Variants in KCNK3 observed in about 807,000 individuals in gnomAD.
KCNK3 encodes the protein potassium two pore domain channel subfamily K member 3, also known as potassium channel subfamily K member 3.
A neutral mutation model predicts 27.3 loss-of-function variants in KCNK3; 9 were observed. The ratio of observed to expected loss-of-function variants is 0.33; its 90% CI spans 0.20 to 0.57. The LOEUF is 0.57. KCNK3 is among the 20% of genes least tolerant of loss of function. KCNK3 has a pLI of 0.87. For synonymous variants in KCNK3, 278 were observed against 273.8 expected (o/e 1.02, Z -0.15); for missense variants, 391 against 577.7 (o/e 0.68, Z 3.31).
rs1185841087 is a variant in KCNK3, at chr2:26,693,088, G to T, written c.213G>T (p.Pro71=). ...ELERVVLRLK[P]HKAGVQWRFA... ...AGCGCGTCGTGCTGCGCCTCAAGCC[G>T]CACAAGGCCGGCGTGCAGTGGCGCT... The change falls in exon 1 of 2, where the codon CCG becomes CCT. Residue 71 remains proline, a synonymous_variant. Transcript: ENST00000302909. The surrounding 1 kb of genome is among the most constrained non-coding windows in gnomAD (Gnocchi z 5.5). The T allele has an allele frequency of 6.2e-7, 1 of 1,602,334 alleles. No homozygotes were observed.
intron 1 of KCNK3, among the ~76,000 whole-genome samples, chr2:26,713,787 A>G (rs1219983307): frequency 3.3e-5 from 5 of 150,900 alleles, no homozygotes; most frequent in Admixed American, 6.6e-5. Context: ...CAAAAAAAAA[A>G]AAAAAGGGCT....
At chr2:26,700,460 G>A (rs1670293048) in intron 1 of KCNK3, among the ~76,000 whole-genome samples, 1 of 152,222 alleles carries the variant, frequency 6.6e-6, no homozygotes. Flanking sequence ...ATTTGCTAGA[G>A]CCAGCCTCAA....
At chr2:26,712,122 G>T (rs1247797964) in intron 1 of KCNK3, among the ~76,000 whole-genome samples, 2 of 152,202 alleles carry the variant, frequency 1.3e-5, no homozygotes, top group Non-Finnish European at 2.9e-5. Flanking sequence ...AAGCTGGAGG[G>T]CTTCAGGATG....
In KCNK3 at chr2:26,730,665, G is replaced by A. The variant is rs934776346; in HGVS notation, c.*2097G>A. Reference sequence around the variant, plus strand: ...TCCTCTAGTCTCTGGGGACCCCTGGGGGGAAGAAGTCTACCCTGCTTGTGA... The same window carrying A: ...TCCTCTAGTCTCTGGGGACCCCTGGAGGGAAGAAGTCTACCCTGCTTGTGA... On this transcript the variant is annotated 3_prime_UTR_variant, in exon 2 of 2. Transcript: ENST00000302909. 1 of 152,318 alleles carries A rather than the reference G, an allele frequency of 6.6e-6. No individual in the cohort carries two copies. Among genetic ancestry groups the A allele is most frequent in the Non-Finnish European group, 1.5e-5 (1 of 68,136 alleles). 9.4% of individuals were successfully genotyped at this position (152,318 alleles called of 1,614,324 possible).
chr2:26,700,041 G>C (rs890138643), intron 1 of KCNK3, among the ~76,000 whole-genome samples: 2 of 152,146 alleles, frequency 1.3e-5, no homozygotes, highest in African/African-American at 4.8e-5. Flanking sequence ...GCTCAGTTGT[G>C]GGCTCAGCTT....
At chr2:26,706,451 A>G (rs1203049279) in intron 1 of KCNK3, among the ~76,000 whole-genome samples, 2 of 151,954 alleles carry the variant, frequency 1.3e-5, no homozygotes, top group African/African-American at 4.8e-5. Flanking sequence ...CTGGGAACAA[A>G]TCTGGGGTTG....
intron 1 of KCNK3, among the ~76,000 whole-genome samples, chr2:26,705,537 T>C (rs1670361746): frequency 6.6e-6 from 1 of 152,070 alleles, no homozygotes. Flanking sequence ...TTCCCAACCT[T>C]AACACCTAGC....
Position 26,733,291 on chromosome 2 carries a change from A to T in KCNK3, c.*4723A>T, listed in dbSNP as rs908760698. 1 of 152,370 alleles carries T rather than the reference A, an allele frequency of 6.6e-6. No homozygotes were observed. Among genetic ancestry groups the T allele is most frequent in the African/African-American group, 2.4e-5 (1 of 41,588 alleles). 9.4% of individuals were successfully genotyped at this position (152,370 alleles called of 1,614,324 possible). A position where few individuals can be genotyped will look rare whatever the true frequency, so the allele number is the denominator to read the frequency against. ...GACAATTCTTTTCAAAACGTGTCCCATGGTATGCCTCGTGGAAAAAATGGT... is the reference window on the plus strand; with the variant it reads ...GACAATTCTTTTCAAAACGTGTCCCTTGGTATGCCTCGTGGAAAAAATGGT... On this transcript the variant is annotated 3_prime_UTR_variant, in exon 2 of 2. Coordinates refer to ENST00000302909, the MANE Select transcript of KCNK3 (RefSeq NM_002246.3).
chr2:26,726,104 C>CAGAGAGAGAGAG (rs1196440174), intron 1 of KCNK3, among the ~76,000 whole-genome samples: 3 of 80,480 alleles, frequency 3.7e-5, no homozygotes, highest in African/African-American at 2.7e-4. Context: ...CACACACACA[C>CAGAGAGAGAGAG]ACAGAGAGAG....
At chr2:26,698,042 G>A (rs908933789) in intron 1 of KCNK3, among the ~76,000 whole-genome samples, 1 of 152,242 alleles carries the variant, frequency 6.6e-6, no homozygotes, top group African/African-American at 2.4e-5. Flanking sequence ...GGAGTTGAGA[G>A]TATGACCCTG....
At chr2:26,699,122 G>A (rs1050084382) in intron 1 of KCNK3, among the ~76,000 whole-genome samples, 1 of 150,280 alleles carries the variant, frequency 6.7e-6, no homozygotes, top group African/African-American at 2.5e-5. Context: ...AGGTTGCAGT[G>A]AGCCAAGATC....
chr2:26,726,939 G>A (rs1193683801), intron 1 of KCNK3, among the ~76,000 whole-genome samples: 1 of 152,228 alleles, frequency 6.6e-6, no homozygotes, highest in Non-Finnish European at 1.5e-5. Context: ...AAGGCCTCCA[G>A]TTGGAGGCTG....
chr2:26,727,612 T>C (rs1157157984), intron 1 of KCNK3, 55 bp from the exon 2 acceptor site: 3 of 1,511,666 alleles, frequency 2.0e-6, no homozygotes, highest in Admixed American at 2.3e-5. Flanking sequence ...AGAAGGTTTC[T>C]GGAAGGGCAG....
At chr2:26,701,932 C>T (rs560581180) in intron 1 of KCNK3, among the ~76,000 whole-genome samples, 6 of 152,082 alleles carry the variant, frequency 3.9e-5, no homozygotes, top group Non-Finnish European at 7.4e-5. Flanking sequence ...AGAGACAGAC[C>T]CTGTCTCAAT....
chr2:26,723,042 CTGTGGCCAGCATCCTGGCCT>C (rs543728442), intron 1 of KCNK3, among the ~76,000 whole-genome samples: 2,490 of 152,302 alleles, frequency 0.016, 38 homozygotes, highest in Non-Finnish European at 0.024. Flanking sequence ...CTGCCCAAGG[CTGTGGCCAGCATCCTGGCCT>C]TGTGGCCAGC....
rs1218870724 is a variant in KCNK3, at chr2:26,732,946, A to C, written c.*4378A>C. 2.0e-5 allele frequency: 3 copies of C among 152,216 alleles called. No homozygotes were observed. The highest frequency in any genetic ancestry group is 7.2e-5 in the African/African-American group (3 of 41,450). 9.4% of individuals were successfully genotyped at this position (152,216 alleles called of 1,614,324 possible). A position where few individuals can be genotyped will look rare whatever the true frequency, so the allele number is the denominator to read the frequency against. On this transcript the variant is annotated 3_prime_UTR_variant, in exon 2 of 2. Transcript: ENST00000302909. ...CCCCATCTCCCTAGGGGTGATCAGC[A>C]TTGTGACAGCTGGGCAGAGCAGTGG... is the stretch of plus-strand genomic sequence containing the variant.
chr2:26,718,874 C>T (rs1375679710), intron 1 of KCNK3, among the ~76,000 whole-genome samples: 1 of 152,214 alleles, frequency 6.6e-6, no homozygotes. Flanking sequence ...TCCCCAAATG[C>T]TGGGTTTACA....
intron 1 of KCNK3, among the ~76,000 whole-genome samples, chr2:26,716,705 G>A (rs1239603777): frequency 6.6e-6 from 1 of 152,196 alleles, no homozygotes; most frequent in Admixed American, 6.5e-5. Context: ...CAGGGCCTCT[G>A]CATGGTACAT....
At position 26,693,906 on chromosome 2, in the gene KCNK3, G is replaced by A. The variant is rs1015735258; in HGVS notation, c.283+748G>A. On this transcript the variant is annotated intron_variant, in intron 1 of 1. Transcript: ENST00000302909. The surrounding 1 kb of genome is among the most constrained non-coding windows in gnomAD (Gnocchi z 5.5). ...CAGACTGTCAGACAACACAGGCATA[G>A]GCACACATGCACACAGATACACACA... Among the ~76,000 whole-genome samples the A allele has an allele frequency of 1.3e-5, 2 of 151,966 alleles. No individual in the cohort carries two copies. Among genetic ancestry groups the A allele is most frequent in the Admixed American group, 6.6e-5 (1 of 15,250 alleles).
Sources: gnomAD v4.1 joint callset for allele counts (sites outside exome capture counted in the v4.1 genomes callset) on GRCh38, gnomAD v4.1.1 for gene constraint, Gnocchi (gnomAD v3.1) non-coding constraint, MANE v1.5 for transcripts, NCBI Gene and HGNC (gene_info 2026-07-23, HGNC 2026-07-21) for gene names.